CNPPD1: variants seen among roughly 807,000 people sequenced by gnomAD.
CNPPD1 encodes cyclin Pas1/PHO80 domain containing 1.
A neutral mutation model predicts 43.7 loss-of-function variants in CNPPD1; 40 were observed. That is an observed-to-expected ratio of 0.92 (90% CI 0.71 to 1.19). The LOEUF is 1.19. CNPPD1 is among the 50% of genes most tolerant of loss of function. The probability of loss-of-function intolerance (pLI) is 0.00; values close to 1 mark genes in which losing one functional copy is unlikely to be tolerated. For synonymous variants in CNPPD1, 208 were observed against 214.3 expected, an observed-to-expected ratio of 0.97 and a Z score of 0.26; for missense variants, 511 against 518.5, an observed-to-expected ratio of 0.99 and a Z score of 0.14.
intron 2 of CNPPD1, 55 bp from the exon 3 acceptor site, chr2:219,175,727 A>C (rs1950149122): frequency 2.1e-6 from 3 of 1,408,336 alleles, no homozygotes; most frequent in Middle Eastern, 1.9e-4. Context: ...CACCCAACAC[A>C]CCAGTCCCCA....
chr2:219,173,778 G>T (rs1371157772), intron 6 of CNPPD1, among the ~76,000 whole-genome samples: 1 of 152,150 alleles, frequency 6.6e-6, no homozygotes, highest in Non-Finnish European at 1.5e-5. Context: ...GAGTAGCTGG[G>T]ATTATGGGTG....
chr2:219,173,397 G>T lies in CNPPD1; in HGVS notation c.643C>A (p.Pro215Thr). 6.2e-7 allele frequency: 1 copy of T among 1,613,698 alleles called. No homozygotes were observed. The highest frequency in any genetic ancestry group is 8.5e-7 in the Non-Finnish European group (1 of 1,179,976). ...YTDLCVLLEQ[P>T]TWQLALGSLC... Reference sequence around the variant, plus strand: ...GAGCCCAGGGCCAACTGCCAGGTCGGCTGCTCCAGCAGCACACACAGGTCT... The same window carrying T: ...GAGCCCAGGGCCAACTGCCAGGTCGTCTGCTCCAGCAGCACACACAGGTCT... Residue 215 changes from proline to threonine, a missense_variant, in exon 7 of 8, where the codon CCG (proline) becomes ACG (threonine). Transcript: ENST00000360507.
At chr2:219,176,613 C>T in intron 1 of CNPPD1, 147 bp downstream of exon 1, 1 of 687,206 alleles carries the variant, frequency 1.5e-6, no homozygotes, top group South Asian at 1.9e-5. Context: ...GGCTCTCCCT[C>T]CCGGCCCAAG....
In CNPPD1 at chr2:219,176,756, T is replaced by C. The variant is rs749925254; in HGVS notation, c.69+4A>G. 6.4e-7 allele frequency: 1 copy of C among 1,571,582 alleles called. No individual in the cohort carries two copies. Among genetic ancestry groups the C allele is most frequent in the Non-Finnish European group, 8.6e-7 (1 of 1,158,970 alleles). Reference sequence around the variant, plus strand: ...GCCGGGGAGGGGGCGGGACCCCCACTCACCGTGAAGTCCTGGAAGCCGGCG... The same window carrying C: ...GCCGGGGAGGGGGCGGGACCCCCACCCACCGTGAAGTCCTGGAAGCCGGCG... On this transcript the variant is annotated splice_donor_region_variant and intron_variant, in intron 1 of 7. Coordinates refer to ENST00000360507, the MANE Select transcript of CNPPD1 (RefSeq NM_015680.6).
chr2:219,172,789 T>C lies in CNPPD1; in HGVS notation c.1030A>G (p.Arg344Gly), dbSNP rs1950092837. 1 of 1,603,222 alleles carries C rather than the reference T, an allele frequency of 6.2e-7. No homozygotes were observed. The highest frequency in any genetic ancestry group is 8.5e-7 in the Non-Finnish European group (1 of 1,174,924). The part of the protein sequence containing the change: ...HNCHLCQKLQ[R>G]DSPTCHACLH... ...CAGGCATGGCAGGTTGGGGAGTCTCTCTGGAGCTTCTGGCAAAGGTGGCAG... is the reference window on the plus strand; with the variant it reads ...CAGGCATGGCAGGTTGGGGAGTCTCCCTGGAGCTTCTGGCAAAGGTGGCAG... The change falls in exon 8 of 8, where the codon AGA becomes GGA. Residue 344 changes from arginine to glycine, a missense_variant. Coordinates refer to ENST00000360507, the MANE Select transcript of CNPPD1 (RefSeq NM_015680.6).
upstream of CNPPD1, among the ~76,000 whole-genome samples, chr2:219,177,541 C>T (rs145573302): frequency 6.6e-6 from 1 of 151,950 alleles, no homozygotes; most frequent in East Asian, 1.9e-4. Context: ...GGAAGAGAAA[C>T]TCAGGGTGTT....
chr2:219,174,169 C>G lies in CNPPD1; in HGVS notation c.549G>C (p.Glu183Asp), dbSNP rs1950121194. The G allele has an allele frequency of 6.2e-7, 1 of 1,614,082 alleles. No individual in the cohort carries two copies. The highest frequency in any genetic ancestry group is 1.7e-5 in the Admixed American group (1 of 60,006). Residue 183 changes from glutamate (E) to aspartate (D), a missense_variant, in exon 6 of 8, where the codon GAG becomes GAC. Coordinates refer to ENST00000360507, the MANE Select transcript of CNPPD1 (RefSeq NM_015680.6). ...ACCAGCTCTCCAACCAGCTCAGCACCTCAAAGATCTCCCGAGGGTCAGTGT... is the reference window on the plus strand; with the variant it reads ...ACCAGCTCTCCAACCAGCTCAGCACGTCAAAGATCTCCCGAGGGTCAGTGT... ...HLYTDPREIF[E>D]VLSWLESCVA...
At chr2:219,176,186 T>G in intron 2 of CNPPD1, 37 bp downstream of exon 2, 1 of 1,457,870 alleles carries the variant, frequency 6.9e-7, no homozygotes, top group Non-Finnish European at 9.6e-7. Context: ...CCCATTTTCA[T>G]GCTTCTCACT....
At chr2:219,173,299 C>T (rs1250004669) in intron 7 of CNPPD1, 51 bp downstream of exon 7, 1 of 1,545,568 alleles carries the variant, frequency 6.5e-7, no homozygotes, top group Non-Finnish European at 8.9e-7. Context: ...CACCATCCCA[C>T]CCTACACACC....
In CNPPD1 at chr2:219,172,566, T is replaced by C; in HGVS notation, c.*20A>G. The C allele has an allele frequency of 6.2e-7, 1 of 1,613,208 alleles. No homozygotes were observed. Among genetic ancestry groups the C allele is most frequent in the African/African-American group, 1.3e-5 (1 of 75,008 alleles). The stretch of plus-strand genomic sequence containing the variant: ...CTCAGAAACTCCCAAACCCTCTTAA[T>C]GCATTCCTCACAGCCCTACCTAGCC... On this transcript the variant is annotated 3_prime_UTR_variant, in exon 8 of 8. Transcript: ENST00000360507.
rs751941737 is a variant in CNPPD1 at position 219,172,812 on chromosome 2, C to T, written c.1007G>A (p.Cys336Tyr). ...PPAPPTLLHN[C>Y]HLCQKLQRDS... Reference sequence around the variant, plus strand: ...TCTCTGGAGCTTCTGGCAAAGGTGGCAGTTATGAAGAAGAGTGGGAGGGGC... The same window carrying T: ...TCTCTGGAGCTTCTGGCAAAGGTGGTAGTTATGAAGAAGAGTGGGAGGGGC... Residue 336 changes from cysteine to tyrosine, a missense_variant, in exon 8 of 8, where the codon TGC (cysteine) becomes TAC (tyrosine). Transcript: ENST00000360507. 2 of 1,592,522 alleles carry T rather than the reference C, an allele frequency of 1.3e-6. No individual in the cohort carries two copies. Among genetic ancestry groups the T allele is most frequent in the South Asian group, 2.3e-5 (2 of 87,682 alleles).
chr2:219,175,183 G>A lies in CNPPD1; in HGVS notation c.261-75C>T, dbSNP rs903426051. 12 of 1,491,246 alleles carry A rather than the reference G, an allele frequency of 8.0e-6. No individual in the cohort carries two copies. The African/African-American group carries it at 1.5e-4, about 19-fold the overall frequency. 92.4% of individuals were successfully genotyped at this position (1,491,246 alleles called of 1,614,324 possible). A position where few individuals can be genotyped will look rare whatever the true frequency, so the allele number is the denominator to read the frequency against. ...TGCAAGTCTTATGATGCTCGTTCCT[G>A]TCTTTACCTCTTATCTTTGGAAAAA... On this transcript the variant is annotated intron_variant, in intron 3 of 7. Coordinates refer to ENST00000360507, the MANE Select transcript of CNPPD1 (RefSeq NM_015680.6).
chr2:219,175,569 C>T (rs1219228238), intron 3 of CNPPD1, 22 bp downstream of exon 3: 3 of 1,596,792 alleles, frequency 1.9e-6, no homozygotes, highest in Middle Eastern at 1.7e-4. Context: ...CACTCTCATC[C>T]TATCCTCATT....
upstream of CNPPD1, among the ~76,000 whole-genome samples, chr2:219,177,484 G>A (rs1950195536): frequency 6.6e-6 from 1 of 152,170 alleles, no homozygotes; most frequent in Admixed American, 6.5e-5. Context: ...TATGAAAAGC[G>A]TCTGAAAGGA....
At chr2:219,176,707 A>C in intron 1 of CNPPD1, 53 bp downstream of exon 1, 5 of 1,277,312 alleles carry the variant, frequency 3.9e-6, no homozygotes, top group Non-Finnish European at 5.5e-6. Context: ...AGCGCCGCTC[A>C]GGCCGGGAGG....
rs995949361 is a variant in CNPPD1 at position 219,173,360 on chromosome 2, C to T, written c.680G>A (p.Arg227Gln). 1.1e-5 allele frequency: 18 copies of T among 1,613,156 alleles called. No individual in the cohort carries two copies. Among genetic ancestry groups the T allele is most frequent in the Non-Finnish European group, 1.4e-5 (17 of 1,179,670 alleles). The change falls in exon 7 of 8, where the codon CGG becomes CAG. Residue 227 changes from arginine to glutamine, a missense_variant. Physicochemically the swap from Arg to Gln is conservative, Grantham distance 43. Transcript: ENST00000360507. Reference protein sequence around the residue: ...WQLALGSLCQRLVKLSCLLAV... With the variant: ...WQLALGSLCQQLVKLSCLLAV... ...CGAGCCCCTCCTCACCTTTACCAGCCGCTGGCAGAGGGAGCCCAGGGCCAA... is the reference window on the plus strand; with the variant it reads ...CGAGCCCCTCCTCACCTTTACCAGCTGCTGGCAGAGGGAGCCCAGGGCCAA...
chr2:219,174,262 A>C, intron 5 of CNPPD1, 55 bp from the exon 6 acceptor site: 1 of 1,559,512 alleles, frequency 6.4e-7, no homozygotes, highest in Middle Eastern at 1.7e-4. Flanking sequence ...ACAGTCATTT[A>C]ATAATAAGAG....
chr2:219,176,150 C>G, intron 2 of CNPPD1, 73 bp downstream of exon 2: 1 of 1,147,644 alleles, frequency 8.7e-7, no homozygotes, highest in Non-Finnish European at 1.3e-6. Context: ...GGGCAAACCT[C>G]GAGCCATTTT....
At position 219,172,029 on chromosome 2, in the gene CNPPD1, G is replaced by C. The variant is rs914963395; in HGVS notation, c.*557C>G. ...CAGAAGAGAGGGAAACCTAGGAGCA[G>C]GACACTAAGAGAAGACTGGAAGACA... On this transcript the variant is annotated 3_prime_UTR_variant, in exon 8 of 8. Transcript: ENST00000360507. The C allele has an allele frequency of 5.1e-5, 8 of 158,316 alleles. No individual in the cohort carries two copies. Among genetic ancestry groups the C allele is most frequent in the Middle Eastern group, 3.4e-3 (1 of 298 alleles). The allele number at this position is 158,316 out of a possible 1,614,324, so 9.8% of individuals were successfully genotyped here.
Sources: allele counts gnomAD v4.1 joint callset (sites outside exome capture counted in the v4.1 genomes callset), GRCh38; gene constraint gnomAD v4.1.1; transcripts MANE v1.5; gene names NCBI Gene and HGNC (gene_info 2026-07-23, HGNC 2026-07-21).